PRKDC: variants seen among roughly 807,000 people sequenced by gnomAD.
The protein encoded by PRKDC is protein kinase, DNA-activated, catalytic subunit, also known as DNA-dependent protein kinase catalytic subunit.
PRKDC carries 82 observed loss-of-function variants against 486.9 expected under a neutral mutation model. The observed-to-expected ratio is 0.17, with a 90% CI of 0.14 to 0.20. The LOEUF (loss-of-function observed/expected upper bound fraction) is 0.20, where lower values mean the gene tolerates loss of function less well. Ranked by LOEUF, PRKDC falls within the 10% of genes least tolerant of loss-of-function variation. The pLI is 1.00. For missense variants in PRKDC, 4,504 were observed against 5,038.2 expected (o/e 0.89, Z 3.21); for synonymous variants, 1,895 against 1,837.0 (o/e 1.03, Z -0.81).
intron 54 of PRKDC, among the ~76,000 whole-genome samples, chr8:47,844,119 T>A (rs1396350864): frequency 6.6e-6 from 1 of 152,138 alleles, no homozygotes; most frequent in Non-Finnish European, 1.5e-5. Flanking sequence ...TTTAAAAAAA[T>A]AAAACTCAAC....
intron 49 of PRKDC, among the ~76,000 whole-genome samples, chr8:47,856,368 T>G (rs2088540291): frequency 6.6e-6 from 1 of 152,068 alleles, no homozygotes; most frequent in African/African-American, 2.4e-5. Context: ...GCTAGGATTA[T>G]AGACATGCAG....
At chr8:47,906,887 T>C (rs1315101968) in intron 25 of PRKDC, among the ~76,000 whole-genome samples, 1 of 151,524 alleles carries the variant, frequency 6.6e-6, no homozygotes, top group African/African-American at 2.4e-5. Flanking sequence ...CAAACAGTCT[T>C]TCTAGTCTTT....
At chr8:47,824,566 C>T (rs918642470) in intron 63 of PRKDC, among the ~76,000 whole-genome samples, 2 of 151,506 alleles carry the variant, frequency 1.3e-5, no homozygotes, top group Admixed American at 1.3e-4. Flanking sequence ...CAGTATTAAT[C>T]CATTATAATA....
At chr8:47,874,069 G>A (rs1418189477) in intron 40 of PRKDC, among the ~76,000 whole-genome samples, 5 of 144,202 alleles carry the variant, frequency 3.5e-5, no homozygotes, top group East Asian at 2.0e-4. Context: ...TCAGCCTCCC[G>A]GGTAGCTGGG....
intron 3 of PRKDC, among the ~76,000 whole-genome samples, 179 bp downstream of exon 3, chr8:47,956,992 A>G (rs1563824632): frequency 1.3e-5 from 2 of 150,320 alleles, no homozygotes; most frequent in South Asian, 4.2e-4. Context: ...AAAAAAAAAA[A>G]AAAAAAAAAC....
intron 48 of PRKDC, among the ~76,000 whole-genome samples, chr8:47,857,587 G>A (rs547175157): frequency 2.6e-5 from 4 of 152,256 alleles, no homozygotes; most frequent in African/African-American, 7.2e-5. Flanking sequence ...TGAGGCTGCC[G>A]GATGCTAGGA....
intron 54 of PRKDC, 107 bp downstream of exon 54, chr8:47,849,047 T>C (rs1224552733): frequency 1.5e-6 from 2 of 1,376,108 alleles, no homozygotes; most frequent in East Asian, 2.3e-5. Context: ...ACTTCACAAA[T>C]GTGTATATCA....
intron 44 of PRKDC, among the ~76,000 whole-genome samples, chr8:47,861,851 T>C (rs1280667912): frequency 1.3e-5 from 2 of 152,204 alleles, no homozygotes; most frequent in African/African-American, 4.8e-5. Context: ...TTCCTACACA[T>C]GTCAAGAGAT....
rs774617314 is a variant in PRKDC at position 47,778,784 on chromosome 8, A to T, written c.11595T>A (p.Thr3865=). Residue 3865 remains threonine (T), a synonymous_variant, in exon 82 of 86, where the codon ACT becomes ACA. Transcript: ENST00000314191. ...GTTTTCTAAAAGACGTGACTGTTTC[A>T]GTACGATTAGCGCCCCTATGATTTA... is the stretch of plus-strand genomic sequence containing the variant. ...YMLMYKGANR[T]ETVTSFRKRE... is the part of the protein sequence containing the mutation. 1 of 1,613,684 alleles carries T rather than the reference A, an allele frequency of 6.2e-7. No homozygotes were observed. The highest frequency in any genetic ancestry group is 2.2e-5 in the East Asian group (1 of 44,890).
At chr8:47,856,528 C>T (rs1045400680) in intron 49 of PRKDC, among the ~76,000 whole-genome samples, 5 of 152,134 alleles carry the variant, frequency 3.3e-5, no homozygotes, top group Non-Finnish European at 7.4e-5. Flanking sequence ...TCATGCCTAG[C>T]CCCGCATGTG....
intron 28 of PRKDC, among the ~76,000 whole-genome samples, chr8:47,899,274 G>A (rs968754433): frequency 3.3e-5 from 5 of 152,148 alleles, no homozygotes; most frequent in African/African-American, 7.2e-5. Context: ...TTGACAATGA[G>A]GACTAAATTT....
chr8:47,878,461 G>C (rs2089137719), intron 39 of PRKDC, among the ~76,000 whole-genome samples: 1 of 152,108 alleles, frequency 6.6e-6, no homozygotes, highest in African/African-American at 2.4e-5. Flanking sequence ...GGTTCTGAGA[G>C]TACATGGAGA....
intron 57 of PRKDC, 84 bp from the exon 58 acceptor site, chr8:47,836,611 A>G (rs2088030842): frequency 8.3e-7 from 1 of 1,198,900 alleles, no homozygotes; most frequent in South Asian, 1.5e-5. Flanking sequence ...ATTTCTATTT[A>G]AAATCTAATG....
chr8:47,950,572 T>C (rs1382809513), intron 7 of PRKDC, among the ~76,000 whole-genome samples: 3 of 140,294 alleles, frequency 2.1e-5, no homozygotes, highest in Non-Finnish European at 4.5e-5. Context: ...GAGCTTGCAG[T>C]GAGCCAAGAT....
rs2154497340 is a variant in PRKDC at position 47,778,445 on chromosome 8, C to T, written c.11853+14G>A. On this transcript the variant is annotated intron_variant, in intron 83 of 85. Coordinates refer to ENST00000314191, the MANE Select transcript of PRKDC (RefSeq NM_006904.7). ...CTCGCCTTGCCCAGGATCACGAGAG[C>T]ACAGCAAGTGCACCTGTGTAGCGGA... 1 of 1,608,904 alleles carries T rather than the reference C, an allele frequency of 6.2e-7. No individual in the cohort carries two copies. Among genetic ancestry groups the T allele is most frequent in the East Asian group, 2.2e-5 (1 of 44,718 alleles).
intron 38 of PRKDC, among the ~76,000 whole-genome samples, chr8:47,879,931 G>A (rs1363537150): frequency 4.5e-5 from 6 of 134,814 alleles, no homozygotes; most frequent in African/African-American, 1.4e-4. Flanking sequence ...TGCAACCTCC[G>A]CCTCCCGGGT....
At chr8:47,945,183 C>G (rs1278069599) in intron 7 of PRKDC, among the ~76,000 whole-genome samples, 1 of 152,208 alleles carries the variant, frequency 6.6e-6, no homozygotes, top group South Asian at 2.1e-4. Context: ...ACAGTCCACT[C>G]TCCTGCAGCC....
intron 62 of PRKDC, 67 bp from the exon 63 acceptor site, chr8:47,826,928 AAC>A: frequency 7.0e-7 from 1 of 1,426,870 alleles, no homozygotes; most frequent in African/African-American, 1.4e-5. Flanking sequence ...CACAAGGAGT[AAC>A]ATACTTTACT....
At chr8:47,858,130 G>C (rs1456869414) in intron 48 of PRKDC, among the ~76,000 whole-genome samples, 1 of 151,828 alleles carries the variant, frequency 6.6e-6, no homozygotes, top group Non-Finnish European at 1.5e-5. Context: ...CTCAGCAATT[G>C]CCTAAGAGTC....
Sources: allele counts gnomAD v4.1 joint callset (sites outside exome capture counted in the v4.1 genomes callset), GRCh38; gene constraint gnomAD v4.1.1; transcripts MANE v1.5; gene names NCBI Gene and HGNC (gene_info 2026-07-23, HGNC 2026-07-21).